Variants in HSD17B12 observed in about 807,000 individuals in gnomAD.
HSD17B12 encodes the protein very-long-chain 3-oxoacyl-CoA reductase.
A neutral mutation model predicts 39.3 loss-of-function variants in HSD17B12; 32 were observed. That is an observed-to-expected ratio of 0.81 (90% CI 0.61 to 1.09). The LOEUF is 1.09. Among genes scored for constraint, HSD17B12 ranks in the 50% least tolerant of loss-of-function variants. The pLI, the probability that HSD17B12 is intolerant of heterozygous loss-of-function variation, is 0.00. For missense variants in HSD17B12, 342 were observed against 382.9 expected, an observed-to-expected ratio of 0.89 and a Z score of 0.89; for synonymous variants, 150 against 146.7, an observed-to-expected ratio of 1.02 and a Z score of -0.16.
chr11:43,617,212 G>C, the HSD17B12 span, among the ~76,000 whole-genome samples: 1 of 152,160 alleles, frequency 6.6e-6, no homozygotes, highest in Admixed American at 6.5e-5. Flanking sequence ...GTTGATGAGT[G>C]ACTCAGGGAG....
chr11:43,672,331 G>A, the HSD17B12 span, among the ~76,000 whole-genome samples: 2 of 152,080 alleles, frequency 1.3e-5, no homozygotes, highest in East Asian at 3.9e-4. Flanking sequence ...TTACAGGCGT[G>A]AGCCACCGCT....
At chr11:43,804,977 A>T (rs1951004961) in intron 4 of HSD17B12, among the ~76,000 whole-genome samples, 1 of 152,180 alleles carries the variant, frequency 6.6e-6, no homozygotes, top group Non-Finnish European at 1.5e-5. Context: ...CAGTCCCCAG[A>T]GAAGCAAAGG....
the HSD17B12 span, among the ~76,000 whole-genome samples, chr11:43,657,810 C>T: frequency 6.6e-6 from 1 of 152,178 alleles, no homozygotes; most frequent in Admixed American, 6.5e-5. Context: ...GGTAACCCGA[C>T]CTTTCTCTCT....
At chr11:43,850,934 G>T (rs138731317) in intron 9 of HSD17B12, among the ~76,000 whole-genome samples, 1 of 152,118 alleles carries the variant, frequency 6.6e-6, no homozygotes, top group Non-Finnish European at 1.5e-5. Flanking sequence ...GGTGGCAGGC[G>T]CCTGTAATCG....
At chr11:43,712,445 A>G (rs945582575) in intron 1 of HSD17B12, among the ~76,000 whole-genome samples, 1 of 151,988 alleles carries the variant, frequency 6.6e-6, no homozygotes, top group African/African-American at 2.4e-5. Context: ...AGAAACAACC[A>G]AAAAGCTTGG....
chr11:43,588,368 G>T, the HSD17B12 span, among the ~76,000 whole-genome samples: 1 of 152,138 alleles, frequency 6.6e-6, no homozygotes, highest in East Asian at 1.9e-4. Flanking sequence ...GATTGTGGGA[G>T]GACAGGATGA....
intron 3 of HSD17B12, chr11:43,755,040 CT>C (rs1331076122): frequency 2.1e-6 from 1 of 477,488 alleles, no homozygotes; most frequent in African/African-American, 2.0e-5. Context: ...GTGTATAATG[CT>C]TATATACTTT....
At chr11:43,672,995 G>C in the HSD17B12 span, 3 of 152,040 alleles carry the variant, frequency 2.0e-5, no homozygotes, top group African/African-American at 7.3e-5. Flanking sequence ...ACCCAGGATT[G>C]GACAACTGAA....
intron 1 of HSD17B12, among the ~76,000 whole-genome samples, chr11:43,741,456 A>T (rs1460465810): frequency 2.7e-5 from 4 of 147,978 alleles, no homozygotes; most frequent in African/African-American, 5.1e-5. Context: ...AAAGGACTTT[A>T]AAAAAAAATG....
chr11:43,632,931 CTTTA>C, the HSD17B12 span, among the ~76,000 whole-genome samples: 1 of 151,860 alleles, frequency 6.6e-6, no homozygotes. Context: ...ATTATAGTTC[CTTTA>C]TTTAAAAAGA....
intron 1 of HSD17B12, among the ~76,000 whole-genome samples, chr11:43,721,605 C>G (rs903033479): frequency 6.6e-6 from 1 of 151,756 alleles, no homozygotes; most frequent in African/African-American, 2.4e-5. Flanking sequence ...GGTGACAGAG[C>G]GAGACTCCAT....
chr11:43,702,912 A>G (rs890523097), intron 1 of HSD17B12, among the ~76,000 whole-genome samples: 14 of 152,202 alleles, frequency 9.2e-5, no homozygotes, highest in Non-Finnish European at 1.5e-4. Context: ...GGGAAGCCAA[A>G]AGACTGGACA....
chr11:43,587,614 C>G, the HSD17B12 span, among the ~76,000 whole-genome samples: 1 of 152,184 alleles, frequency 6.6e-6, no homozygotes, highest in African/African-American at 2.4e-5. Flanking sequence ...CAGCTCGTAA[C>G]TGAGAGGCAA....
the HSD17B12 span, among the ~76,000 whole-genome samples, chr11:43,659,727 A>G: frequency 6.6e-6 from 1 of 152,224 alleles, no homozygotes; most frequent in Non-Finnish European, 1.5e-5. Context: ...ATTCATCTCC[A>G]GGATATATAA....
chr11:43,642,767 A>G, the HSD17B12 span, among the ~76,000 whole-genome samples: 2 of 151,930 alleles, frequency 1.3e-5, no homozygotes, highest in Non-Finnish European at 2.9e-5. Flanking sequence ...CCAAATATAT[A>G]TGAATATATA....
chr11:43,722,370 A>T (rs1455496176), intron 1 of HSD17B12, among the ~76,000 whole-genome samples: 1 of 152,128 alleles, frequency 6.6e-6, no homozygotes, highest in Admixed American at 6.5e-5. Context: ...AAGTATACAG[A>T]TGTATATTGG....
the HSD17B12 span, among the ~76,000 whole-genome samples, chr11:43,586,632 T>A: frequency 2.6e-5 from 4 of 152,176 alleles, no homozygotes; most frequent in Non-Finnish European, 5.9e-5. Flanking sequence ...CCCAAGATAT[T>A]TTTTTAGAAT....
At chr11:43,664,117 G>A in the HSD17B12 span, among the ~76,000 whole-genome samples, 3 of 152,108 alleles carry the variant, frequency 2.0e-5, no homozygotes, top group Non-Finnish European at 2.9e-5. Context: ...CCAAAGTGCT[G>A]GGATTACAGG....
chr11:43,595,963 A>G, the HSD17B12 span, among the ~76,000 whole-genome samples: 1,202 of 152,286 alleles, frequency 7.9e-3, 18 homozygotes, highest in African/African-American at 0.028. Flanking sequence ...TTTTGATTGC[A>G]CTCATTCAAC....
Sources: gnomAD v4.1 joint callset for allele counts (sites outside exome capture counted in the v4.1 genomes callset) on GRCh38, gnomAD v4.1.1 for gene constraint, MANE v1.5 for transcripts, NCBI Gene and HGNC (gene_info 2026-07-23, HGNC 2026-07-21) for gene names.